The following UTY variants were observed in gnomAD, a reference collection of about 807,000 sequenced individuals.
UTY encodes the protein histone demethylase UTY.
Under a neutral mutation model 32.5 loss-of-function variants are expected in UTY, and 12 were observed. The ratio of observed to expected loss-of-function variants is 0.37; its 90% CI spans 0.24 to 0.60. The LOEUF (loss-of-function observed/expected upper bound fraction) is 0.60, where lower values mean the gene tolerates loss of function less well. UTY is among the 20% of genes least tolerant of loss of function. The pLI is 0.69. For synonymous variants in UTY, 131 were observed against 103.4 expected (o/e 1.27, Z -1.62); for missense variants, 303 against 299.2 (o/e 1.01, Z -0.09).
chrY:13,240,352 T>G (rs905407413), intron 28 of UTY, among the ~76,000 whole-genome samples: 4 of 32,837 alleles, frequency 1.2e-4, no homozygotes, highest in African/African-American at 4.8e-4. Context: ...TCCATATACA[T>G]GCAACCAGTA....
intron 27 of UTY, among the ~76,000 whole-genome samples, chrY:13,269,870 G>A: frequency 2.9e-5 from 1 of 34,036 alleles, no homozygotes; most frequent in Non-Finnish European, 7.4e-5. Flanking sequence ...GCCTCTGTGG[G>A]CTGCACCCCC....
At chrY:13,395,462 C>T (rs2149520922) in intron 7 of UTY, among the ~76,000 whole-genome samples, 1 of 31,703 alleles carries the variant, frequency 3.2e-5, no homozygotes, top group Admixed American at 3.0e-4. Flanking sequence ...CCCATCTCCA[C>T]AAAAAATACA....
intron 8 of UTY, among the ~76,000 whole-genome samples, chrY:13,388,423 T>C: frequency 2.9e-5 from 1 of 34,185 alleles, no homozygotes; most frequent in Non-Finnish European, 7.3e-5. Context: ...CATCTTTCAA[T>C]GGCCATGTAG....
At chrY:13,303,012 T>A in intron 24 of UTY, 21 bp from the exon 25 acceptor site, 1 of 275,653 alleles carries the variant, frequency 3.6e-6, no homozygotes, top group East Asian at 9.7e-5. Flanking sequence ...AAAGAAAATG[T>A]AAGTCACAAT....
chrY:13,414,591 G>C, intron 5 of UTY, 144 bp downstream of exon 5: 1 of 160,793 alleles, frequency 6.2e-6, no homozygotes, highest in South Asian at 5.4e-5. Context: ...TTATAATCAA[G>C]TTACCAATTA....
downstream of UTY, among the ~76,000 whole-genome samples, chrY:13,246,570 GC>G (rs2053949788): frequency 9.3e-5 from 3 of 32,209 alleles, no homozygotes; most frequent in Admixed American, 2.8e-4. Context: ...CTTTGGAAAA[GC>G]AGCCAAGGTT....
intron 4 of UTY, among the ~76,000 whole-genome samples, chrY:13,436,967 G>C (rs1005155168): frequency 4.1e-4 from 10 of 24,143 alleles, no homozygotes; most frequent in South Asian, 3.2e-3. Flanking sequence ...AAGCAAAAGA[G>C]ACACACACAC....
chrY:13,414,779 T>C lies in UTY; in HGVS notation c.390A>G (p.Leu130=). 2 of 387,398 alleles carry C rather than the reference T, an allele frequency of 5.2e-6. No homozygotes were observed. Among genetic ancestry groups the C allele is most frequent in the Non-Finnish European group, 7.2e-6 (2 of 277,441 alleles). Residue 130 remains leucine (L), a synonymous_variant, in exon 5 of 30, where the codon TTA becomes TTG. Transcript: ENST00000545955. ...AGAAGTAGACCAAACCAAGGCCATA[T>C]AAAAACGCAGCATTCTGTTAATATA... is the stretch of plus-strand genomic sequence containing the variant. ...QADYWKNAAF[L]YGLGLVYFYY... is the part of the protein sequence containing the mutation.
intron 28 of UTY, among the ~76,000 whole-genome samples, chrY:13,235,685 A>T (rs2053845879): frequency 3.0e-5 from 1 of 33,785 alleles, no homozygotes; most frequent in Non-Finnish European, 7.3e-5. Flanking sequence ...TTTAAAATAC[A>T]TAAAACTGAA....
intron 10 of UTY, among the ~76,000 whole-genome samples, chrY:13,364,032 G>A: frequency 3.1e-5 from 1 of 32,040 alleles, no homozygotes; most frequent in South Asian, 7.0e-4. Context: ...TTACCACAAA[G>A]CATTAACTTC....
intron 3 of UTY, among the ~76,000 whole-genome samples, chrY:13,451,210 GTAGATTTTTAC>G (rs2076290600): frequency 3.0e-5 from 1 of 33,592 alleles, no homozygotes; most frequent in Non-Finnish European, 7.3e-5. Context: ...TAGAAAACAT[GTAGATTTTTAC>G]AGTTAAGTGT....
Position 13,248,443 on chromosome Y carries a change from T to C in UTY, c.*1413A>G. ...ATATTAAATTAGCAAATTTTTCATA[T>C]GAAATACAAGTTTTAATAGAACTTA... On this transcript the variant is annotated 3_prime_UTR_variant, in exon 30 of 30. Coordinates refer to ENST00000545955, the MANE Select transcript of UTY (RefSeq NM_001258249.2). 2.8e-5 allele frequency: 1 copy of C among 35,806 alleles called. No homozygotes were observed. Among genetic ancestry groups the C allele is most frequent in the Non-Finnish European group, 6.7e-5 (1 of 14,903 alleles). 8.9% of individuals were successfully genotyped at this position (35,806 alleles called of 400,897 possible). A position where few individuals can be genotyped will look rare whatever the true frequency, so the allele number is the denominator to read the frequency against.
chrY:13,297,986 T>C (rs2058151085), intron 26 of UTY, 138 bp from the exon 27 acceptor site: 1 of 153,609 alleles, frequency 6.5e-6, no homozygotes, highest in African/African-American at 9.0e-5. Context: ...CTATTATGTT[T>C]TGTGATAACT....
chrY:13,273,913 T>G (rs757070204), intron 27 of UTY, among the ~76,000 whole-genome samples: 16 of 29,908 alleles, frequency 5.3e-4, no homozygotes, highest in African/African-American at 2.1e-3. Flanking sequence ...ACAGCAACAT[T>G]GTATCACAGC....
At chrY:13,327,563 T>C (rs921235111) in intron 18 of UTY, among the ~76,000 whole-genome samples, 17 of 33,476 alleles carry the variant, frequency 5.1e-4, no homozygotes, top group African/African-American at 2.0e-3. Flanking sequence ...GGTTAGAAAT[T>C]TGACTTCTCT....
intron 21 of UTY, among the ~76,000 whole-genome samples, chrY:13,310,263 AGATT>A (rs2058961815): frequency 3.2e-5 from 1 of 31,663 alleles, no homozygotes; most frequent in African/African-American, 1.2e-4. Flanking sequence ...CTCAGAGCCT[AGATT>A]TATCATGAGA....
chrY:13,355,430 A>G, intron 16 of UTY, 32 bp from the exon 17 acceptor site: 1 of 390,546 alleles, frequency 2.6e-6, no homozygotes, highest in Non-Finnish European at 3.6e-6. Context: ...ACTGCTGTGT[A>G]ACTTTGAAAA....
At chrY:13,450,550 C>T in intron 3 of UTY, among the ~76,000 whole-genome samples, 1 of 33,558 alleles carries the variant, frequency 3.0e-5, no homozygotes, top group Non-Finnish European at 7.4e-5. Context: ...CATGGCCAGG[C>T]GCAGTTGCTC....
At chrY:13,446,285 A>G in intron 4 of UTY, among the ~76,000 whole-genome samples, 2 of 32,515 alleles carry the variant, frequency 6.2e-5, no homozygotes, top group Non-Finnish European at 1.5e-4. Context: ...GCTTACCTAT[A>G]TAACAAACCT....
Sources: gnomAD v4.1 joint callset for allele counts (sites outside exome capture counted in the v4.1 genomes callset) on GRCh38, gnomAD v4.1.1 for gene constraint, MANE v1.5 for transcripts, NCBI Gene and HGNC (gene_info 2026-07-23, HGNC 2026-07-21) for gene names.